Variants in PTCH1 observed in about 807,000 individuals in gnomAD.
PTCH1 encodes patched 1.
PTCH1 carries 14 observed loss-of-function variants against 144.6 expected under a neutral mutation model. The observed-to-expected ratio is 0.10, with a 90% CI of 0.06 to 0.15. The LOEUF (loss-of-function observed/expected upper bound fraction) is 0.15. Among genes scored for constraint, PTCH1 ranks in the 10% least tolerant of loss-of-function variants. The pLI is 1.00. For synonymous variants in PTCH1, 833 were observed against 793.6 expected (o/e 1.05, Z -0.83); for missense variants, 1,623 against 1,948.3 (o/e 0.83, Z 3.14).
chr9:95,507,053 G>T (rs577453117), intron 1 of PTCH1: 21 of 987,390 alleles, frequency 2.1e-5, no homozygotes, highest in Admixed American at 6.1e-5. Flanking sequence ...AGGGGCGAGC[G>T]CTCTTTGGAA....
intron 7 of PTCH1, among the ~76,000 whole-genome samples, chr9:95,479,425 G>C (rs1841357190): frequency 6.6e-6 from 1 of 152,202 alleles, no homozygotes; most frequent in Admixed American, 6.5e-5. Context: ...GAAACAGGAA[G>C]GGGAGAGGAG....
chr9:95,477,496 G>C (rs755226993), intron 10 of PTCH1, 51 bp downstream of exon 10: 2 of 1,613,322 alleles, frequency 1.2e-6, no homozygotes, highest in Non-Finnish European at 1.7e-6. Context: ...CCAAGCCTGG[G>C]GGCCGGGTGG....
chr9:95,495,885 C>T (rs1842753668), intron 2 of PTCH1, among the ~76,000 whole-genome samples: 1 of 152,174 alleles, frequency 6.6e-6, no homozygotes, highest in African/African-American at 2.4e-5. Flanking sequence ...CATCTGGACC[C>T]TGCATGAAGT....
At chr9:95,489,320 T>C (rs907264102) in intron 2 of PTCH1, among the ~76,000 whole-genome samples, 5 of 152,138 alleles carry the variant, frequency 3.3e-5, no homozygotes, top group Non-Finnish European at 7.4e-5. Flanking sequence ...GAGATGAAGG[T>C]CATGGTCTTG....
At position 95,481,968 on chromosome 9, in the gene PTCH1, A is replaced by G. The variant is rs372422922; in HGVS notation, c.727T>C (p.Ser243Pro). 26 of 1,612,666 alleles carry G rather than the reference A, an allele frequency of 1.6e-5. No homozygotes were observed. The highest frequency in any genetic ancestry group is 2.2e-5 in the Non-Finnish European group (26 of 1,178,732). ...ACTTACAGGAGGTATGCTGTCCCAG[A>G]CTGTAATTTCGCCCCTTCCCAGAAG... ...DCFWEGAKLQ[S>P]GTAYLLGKPP... is the part of the protein sequence containing the mutation. The change falls in exon 5 of 24, where the codon TCT (serine) becomes CCT (proline). Residue 243 changes from serine to proline, a missense_variant. Physicochemically the swap from Ser to Pro is moderately conservative, Grantham distance 74. Transcript: ENST00000331920.
intron 12 of PTCH1, among the ~76,000 whole-genome samples, chr9:95,471,254 G>A (rs1428823481): frequency 6.6e-6 from 1 of 152,192 alleles, no homozygotes; most frequent in Non-Finnish European, 1.5e-5. Flanking sequence ...GCTTTGGATG[G>A]GAATTGTGAG....
intron 2 of PTCH1, among the ~76,000 whole-genome samples, chr9:95,491,645 C>T (rs987033080): frequency 1.3e-5 from 2 of 152,114 alleles, no homozygotes; most frequent in South Asian, 2.1e-4. Flanking sequence ...AACTACCCTG[C>T]GAGCCTCATG....
intron 2 of PTCH1, among the ~76,000 whole-genome samples, chr9:95,486,594 C>A (rs1366966036): frequency 6.6e-6 from 1 of 152,248 alleles, no homozygotes; most frequent in Non-Finnish European, 1.5e-5. Context: ...TGACCCTGAA[C>A]CTGCTGCCCA....
In PTCH1 at chr9:95,476,761, C is replaced by T. The variant is rs1323512738; in HGVS notation, c.1600G>A (p.Glu534Lys). The change falls in exon 11 of 24, where the codon GAG (glutamate) becomes AAG (lysine). Residue 534 changes from glutamate (E) to lysine (K), a missense_variant and splice_region_variant. This residue lies in a region of PTCH1 where 135 missense variants were observed against 228.7 expected (regional missense o/e 0.59). Coordinates refer to ENST00000331920, the MANE Select transcript of PTCH1 (RefSeq NM_000264.5). This position sits in a 1 kb window ranked among gnomAD's most constrained non-coding sequence, Gnocchi z 4.6. ...CTCTTCTTTTGTTTTTGCATTACCTCAAAAGGGATTCTTTTATTCTGTCCT... is the reference window on the plus strand; with the variant it reads ...CTCTTCTTTTGTTTTTGCATTACCTTAAAAGGGATTCTTTTATTCTGTCCT... ...ETGQNKRIPF[E>K]DRTGECLKRT... is the part of the protein sequence containing the mutation. 6.2e-7 allele frequency: 1 copy of T among 1,613,312 alleles called. No homozygotes were observed. Among genetic ancestry groups the T allele is most frequent in the Non-Finnish European group, 8.5e-7 (1 of 1,179,424 alleles).
At chr9:95,516,058 A>G (rs906533087) in intron 1 of PTCH1, among the ~76,000 whole-genome samples, 7 of 151,932 alleles carry the variant, frequency 4.6e-5, no homozygotes, top group African/African-American at 1.7e-4. Flanking sequence ...TCCGCTGGCG[A>G]GTCAGTAGCC....
At chr9:95,479,606 T>C (rs1205469930) in intron 7 of PTCH1, among the ~76,000 whole-genome samples, 3 of 152,212 alleles carry the variant, frequency 2.0e-5, no homozygotes, top group Non-Finnish European at 4.4e-5. Context: ...GCTCTCCATC[T>C]TTTGCTAACA....
chr9:95,469,327 T>G, intron 13 of PTCH1, 174 bp from the exon 14 acceptor site: 1 of 915,054 alleles, frequency 1.1e-6, no homozygotes, highest in Non-Finnish European at 1.7e-6. Flanking sequence ...CATCACCTGG[T>G]TCATCGCCTG....
chr9:95,506,235 G>T, intron 2 of PTCH1, 172 bp downstream of exon 2: 1 of 716,200 alleles, frequency 1.4e-6, no homozygotes, highest in Non-Finnish European at 2.2e-6. Flanking sequence ...CGCGGCCTTT[G>T]TCGGGCGGGC....
At chr9:95,468,701 TTC>T (rs1313029839) in intron 14 of PTCH1, 48 bp downstream of exon 14, 1 of 1,597,464 alleles carries the variant, frequency 6.3e-7, no homozygotes, top group Admixed American at 1.7e-5. Flanking sequence ...ACTCCAAAGG[TTC>T]TGTTATTTTT....
At chr9:95,484,161 T>G (rs1343060075) in intron 3 of PTCH1, 1 of 152,242 alleles carries the variant, frequency 6.6e-6, no homozygotes, top group African/African-American at 2.4e-5. Context: ...ACACTAAGAA[T>G]GCATTGGCCA....
chr9:95,465,358 T>C (rs796939911), intron 15 of PTCH1, among the ~76,000 whole-genome samples: 2 of 152,292 alleles, frequency 1.3e-5, no homozygotes, highest in African/African-American at 4.8e-5. Context: ...TTTATATGTC[T>C]TTGGTCAATG....
At chr9:95,516,099 G>A (rs1844351214) in intron 1 of PTCH1, among the ~76,000 whole-genome samples, 1 of 152,050 alleles carries the variant, frequency 6.6e-6, no homozygotes, top group African/African-American at 2.4e-5. Context: ...AAGCCAAGGT[G>A]GCGACCCTTT....
In PTCH1 at chr9:95,443,478, TAG is replaced by T. The variant is rs1451571386; in HGVS notation, c.*2913_*2914del. The T allele has an allele frequency of 1.3e-5, 2 of 152,682 alleles. No individual in the cohort carries two copies. Among genetic ancestry groups the T allele is most frequent in the African/African-American group, 4.8e-5 (2 of 41,468 alleles). The allele number at this position is 152,682 out of a possible 1,614,324, so 9.5% of individuals were successfully genotyped here. A position where few individuals can be genotyped will look rare whatever the true frequency, so the allele number is the denominator to read the frequency against. ...TATCAGTGTTTGAACATTAATTATT[TAG>T]AGAGTTTGTACATTTTCACCTTCCA... is the stretch of plus-strand genomic sequence containing the variant. On this transcript the variant is annotated 3_prime_UTR_variant, in exon 24 of 24. Coordinates refer to ENST00000331920, the MANE Select transcript of PTCH1 (RefSeq NM_000264.5).
intron 15 of PTCH1, among the ~76,000 whole-genome samples, chr9:95,463,535 C>T (rs993573027): frequency 2.6e-5 from 4 of 152,150 alleles, no homozygotes; most frequent in African/African-American, 7.2e-5. Context: ...AAAATTACTG[C>T]GCCTCCTTTC....
Sources: gnomAD v4.1 joint callset for allele counts (sites outside exome capture counted in the v4.1 genomes callset) on GRCh38, gnomAD v4.1.1 for gene constraint, gnomAD v4.1.1 regional missense constraint, Gnocchi (gnomAD v3.1) non-coding constraint, MANE v1.5 for transcripts, NCBI Gene and HGNC (gene_info 2026-07-23, HGNC 2026-07-21) for gene names.